Variants in FGD5 observed in about 807,000 individuals in gnomAD.
FGD5 encodes FYVE, RhoGEF and PH domain containing 5.
FGD5 carries 28 observed loss-of-function variants against 133.4 expected under a neutral mutation model. The ratio of observed to expected loss-of-function variants is 0.21; its 90% CI spans 0.16 to 0.29. The LOEUF (loss-of-function observed/expected upper bound fraction) is 0.29, where lower values mean the gene tolerates loss of function less well. Ranked by LOEUF, FGD5 falls within the 10% of genes least tolerant of loss-of-function variation. The pLI is 1.00. For missense variants in FGD5, 1,858 were observed against 1,895.2 expected (o/e 0.98, Z 0.36); for synonymous variants, 810 against 776.5 (o/e 1.04, Z -0.72).
Position 14,821,457 on chromosome 3 carries a change from A to G in FGD5, c.2386A>G (p.Arg796Gly), listed in dbSNP as rs780697812. The G allele has an allele frequency of 3.1e-6, 5 of 1,614,040 alleles. No individual in the cohort carries two copies. The South Asian group carries it at 3.3e-5, about 11-fold the overall frequency. ...CCAGATTCCACCCCGGAGACCTGCC[A>G]GGGCTGGCGCGTTCACGAAGCTGTT... ...NIQIPPRRPA[R>G]AGAFTKLFED... The change falls in exon 1 of 20, where the codon AGG becomes GGG. Residue 796 changes from arginine to glycine, a missense_variant. Physicochemically the swap from Arg to Gly is moderately radical, Grantham distance 125. Around this residue, in one of 3 missense-constraint regions of FGD5, gnomAD observed 1,824 missense variants for 1,848.9 expected, o/e 0.99. Transcript: ENST00000285046.
chr3:14,898,119 C>T (rs2038171326), intron 6 of FGD5, 24 bp downstream of exon 6: 3 of 1,613,518 alleles, frequency 1.9e-6, no homozygotes, highest in Non-Finnish European at 2.5e-6. Context: ...TCCTCTGAGA[C>T]CCTGCTGTAA....
intron 1 of FGD5, among the ~76,000 whole-genome samples, chr3:14,824,182 TACATGAAAC>T (rs2036560006): frequency 6.6e-6 from 1 of 152,244 alleles, no homozygotes; most frequent in South Asian, 2.1e-4. Flanking sequence ...TCCGCTTTCC[TACATGAAAC>T]AGATGAAAGC....
At chr3:14,886,079 G>T (rs1470800535) in intron 4 of FGD5, among the ~76,000 whole-genome samples, 1 of 152,180 alleles carries the variant, frequency 6.6e-6, no homozygotes, top group Non-Finnish European at 1.5e-5. Flanking sequence ...GTCAAATCTG[G>T]CAACTCCACG....
Position 14,921,561 on chromosome 3 carries a change from CA to C in FGD5, c.3570-356del, listed in dbSNP as rs1381941117. ...AGGTACCCAGCCCTCTGTCCCCTGCCAGCCCGTTTCTCCTGAAGTGTGGGAC... is the reference window on the plus strand; with the variant it reads ...AGGTACCCAGCCCTCTGTCCCCTGCCGCCCGTTTCTCCTGAAGTGTGGGAC... On this transcript the variant is annotated intron_variant, in intron 13 of 19. Coordinates refer to ENST00000285046, the MANE Select transcript of FGD5 (RefSeq NM_152536.4). 1.1e-5 allele frequency: 3 copies of C among 266,076 alleles called. No homozygotes were observed. In the Admixed American group the frequency reaches 1.3e-4, roughly 12 times the overall value. 16.5% of individuals were successfully genotyped at this position (266,076 alleles called of 1,614,324 possible).
chr3:14,894,070 T>G (rs1244759793), intron 4 of FGD5, among the ~76,000 whole-genome samples: 3 of 152,186 alleles, frequency 2.0e-5, no homozygotes, highest in African/African-American at 7.2e-5. Flanking sequence ...GTTTCTTTTA[T>G]CACAATGTAT....
chr3:14,925,665 C>T (rs899982221), intron 17 of FGD5, among the ~76,000 whole-genome samples: 1 of 152,136 alleles, frequency 6.6e-6, no homozygotes, highest in Non-Finnish European at 1.5e-5. Context: ...ACTATAATAC[C>T]TTTTAGGCAA....
chr3:14,889,715 G>A (rs898056450), intron 4 of FGD5, among the ~76,000 whole-genome samples: 13 of 152,088 alleles, frequency 8.5e-5, no homozygotes, highest in East Asian at 7.7e-4. Flanking sequence ...TGGTATTGTC[G>A]GCCTCTGTAC....
rs2037894721 is a variant in FGD5, at chr3:14,884,860, A to C, written c.2748+4088A>C. On this transcript the variant is annotated intron_variant, in intron 4 of 19. Transcript: ENST00000285046. ...ACAGCAAACTGTTTATCATGAGTGCAGGATGTGGGCAAACTCACGACTGCG... is the reference window on the plus strand; with the variant it reads ...ACAGCAAACTGTTTATCATGAGTGCCGGATGTGGGCAAACTCACGACTGCG... Among the ~76,000 whole-genome samples, 4 of 152,152 alleles carry C rather than the reference A, an allele frequency of 2.6e-5. No homozygotes were observed. The South Asian group carries it at 8.3e-4, about 32-fold the overall frequency.
intron 1 of FGD5, among the ~76,000 whole-genome samples, chr3:14,855,744 A>G (rs978347034): frequency 6.6e-6 from 1 of 151,148 alleles, no homozygotes. Flanking sequence ...TTCTGTTAAG[A>G]CCTTTGAGTT....
chr3:14,824,238 G>T (rs2036560955), intron 1 of FGD5, among the ~76,000 whole-genome samples: 1 of 152,260 alleles, frequency 6.6e-6, no homozygotes, highest in South Asian at 2.1e-4. Flanking sequence ...GGCTGGAGCA[G>T]GTCTGGGCAA....
intron 1 of FGD5, among the ~76,000 whole-genome samples, chr3:14,853,636 CTTTTTTT>C (rs34008934): frequency 0.019 from 720 of 37,134 alleles, 14 homozygotes; most frequent in African/African-American, 0.076. Flanking sequence ...AAAAGCGTTC[CTTTTTTT>C]TTTTTTTTTT....
intron 1 of FGD5, among the ~76,000 whole-genome samples, chr3:14,829,839 A>G (rs958300992): frequency 1.3e-5 from 2 of 152,164 alleles, no homozygotes; most frequent in Non-Finnish European, 2.9e-5. Context: ...GTGCACCCCC[A>G]GATTCCTTAG....
chr3:14,868,829 C>T (rs1003596642), intron 2 of FGD5, among the ~76,000 whole-genome samples: 19 of 152,212 alleles, frequency 1.2e-4, no homozygotes, highest in Admixed American at 8.5e-4. Flanking sequence ...GTGCCTGGCT[C>T]ATTGTCAGGG....
intron 1 of FGD5, among the ~76,000 whole-genome samples, chr3:14,833,770 G>A (rs771898728): frequency 6.6e-6 from 1 of 152,198 alleles, no homozygotes; most frequent in Non-Finnish European, 1.5e-5. Context: ...GTGCAGCAGG[G>A]CTTTCATGAA....
rs564835684 is a variant in FGD5 at position 14,903,510 on chromosome 3, C to A, written c.3264+2449C>A. On this transcript the variant is annotated intron_variant, in intron 9 of 19. Transcript: ENST00000285046. ...CAGTGCTATCCCTCCCCCCTCCCCC[C>A]ACCCCACAACAGTCCCCAGAGTGTG... Among the ~76,000 whole-genome samples the A allele has an allele frequency of 4.7e-5, 6 of 127,116 alleles. No individual in the cohort carries two copies. The East Asian group carries it at 1.3e-3, about 28-fold the overall frequency. 83.4% of individuals were successfully genotyped at this position (127,116 alleles called of 152,430 possible).
chr3:14,898,679 A>G (rs1420335553), intron 6 of FGD5, 60 bp from the exon 7 acceptor site: 1 of 1,394,414 alleles, frequency 7.2e-7, no homozygotes, highest in South Asian at 1.2e-5. Flanking sequence ...GGCTGCTGTG[A>G]GCATGGTGCC....
intron 1 of FGD5, 111 bp downstream of exon 1, chr3:14,821,707 C>T: frequency 7.1e-7 from 1 of 1,406,866 alleles, no homozygotes; most frequent in Non-Finnish European, 9.3e-7. Flanking sequence ...CTGTTTCTTA[C>T]TAGCTGTGTT....
chr3:14,821,357 G>A lies in FGD5; in HGVS notation c.2286G>A (p.Arg762=). ...PFLPLPLTKP[R]SISFPSADTS... is the part of the protein sequence containing the mutation. ...TGCCCTTGCCACTGACCAAGCCACG[G>A]TCCATCTCCTTCCCCAGCGCTGACA... Residue 762 remains arginine (R), a synonymous_variant, in exon 1 of 20, where the codon CGG becomes CGA. Transcript: ENST00000285046. The A allele has an allele frequency of 3.1e-6, 5 of 1,613,916 alleles. No individual in the cohort carries two copies. Among genetic ancestry groups the A allele is most frequent in the Non-Finnish European group, 4.2e-6 (5 of 1,179,876 alleles).
rs1365300066 is a variant in FGD5 at position 14,821,506 on chromosome 3, C to G, written c.2435C>G (p.Ser812Cys). 1.9e-6 allele frequency: 3 copies of G among 1,613,980 alleles called. No individual in the cohort carries two copies. The South Asian group carries it at 3.3e-5, about 18-fold the overall frequency. The change falls in exon 1 of 20, where the codon TCC becomes TGC. Residue 812 changes from serine (S) to cysteine (C), a missense_variant. By Grantham distance (112) the Ser-to-Cys change is moderately radical. Coordinates refer to ENST00000285046, the MANE Select transcript of FGD5 (RefSeq NM_152536.4). ...TTTGAAGATCAGAGCAGAGCCCTGT[C>G]CACAGCAAACGAAAATGATGGCTAC... is the stretch of plus-strand genomic sequence containing the variant. ...KLFEDQSRAL[S>C]TANENDGYVD...
Sources: allele counts gnomAD v4.1 joint callset (sites outside exome capture counted in the v4.1 genomes callset), GRCh38; gene constraint gnomAD v4.1.1; regional missense constraint gnomAD v4.1.1; transcripts MANE v1.5; gene names NCBI Gene and HGNC (gene_info 2026-07-23, HGNC 2026-07-21).